The following PPARGC1A variants were observed in gnomAD, a reference collection of about 807,000 sequenced individuals.
The protein encoded by PPARGC1A is PPARG coactivator 1 alpha, also known as peroxisome proliferator-activated receptor gamma coactivator 1-alpha.
A neutral mutation model predicts 88.7 loss-of-function variants in PPARGC1A; 25 were observed. The observed-to-expected ratio is 0.28, with a 90% CI of 0.21 to 0.39. The LOEUF (loss-of-function observed/expected upper bound fraction) is 0.39, where lower values mean the gene tolerates loss of function less well. PPARGC1A is among the 10% of genes least tolerant of loss of function. The pLI, the probability that PPARGC1A is intolerant of heterozygous loss-of-function variation, is 1.00. For synonymous variants in PPARGC1A, 363 were observed against 355.6 expected, an observed-to-expected ratio of 1.02 and a Z score of -0.24; for missense variants, 880 against 968.7, an observed-to-expected ratio of 0.91 and a Z score of 1.22.
chr4:24,199,371 C>T, the PPARGC1A span, among the ~76,000 whole-genome samples: 2 of 152,032 alleles, frequency 1.3e-5, no homozygotes, highest in African/African-American at 4.8e-5. Flanking sequence ...GAAACAGCCA[C>T]AGAAAATAAT....
the PPARGC1A span, among the ~76,000 whole-genome samples, chr4:24,045,857 A>T: frequency 6.6e-6 from 1 of 152,318 alleles, no homozygotes; most frequent in East Asian, 1.9e-4. Context: ...AATCAATATA[A>T]CTACCAAAAA....
chr4:24,441,947 G>T, the PPARGC1A span, among the ~76,000 whole-genome samples: 1 of 152,204 alleles, frequency 6.6e-6, no homozygotes, highest in African/African-American at 2.4e-5. Flanking sequence ...AAAAAGAAAT[G>T]CTAGGCCGAG....
At chr4:24,212,324 G>A in the PPARGC1A span, among the ~76,000 whole-genome samples, 1 of 152,124 alleles carries the variant, frequency 6.6e-6, no homozygotes, top group Non-Finnish European at 1.5e-5. Flanking sequence ...TACCATAACT[G>A]ACTATTGAAT....
the PPARGC1A span, among the ~76,000 whole-genome samples, chr4:23,933,144 G>A: frequency 1.3e-5 from 2 of 152,004 alleles, no homozygotes; most frequent in Non-Finnish European, 2.9e-5. Context: ...TTTTTTTTAA[G>A]TAGGGGCCAT....
At chr4:23,974,259 T>C in the PPARGC1A span, among the ~76,000 whole-genome samples, 2 of 152,310 alleles carry the variant, frequency 1.3e-5, no homozygotes, top group East Asian at 3.9e-4. Context: ...GACAATGTTA[T>C]ATACACGCAG....
chr4:24,195,217 C>G, the PPARGC1A span, among the ~76,000 whole-genome samples: 1 of 152,142 alleles, frequency 6.6e-6, no homozygotes, highest in African/African-American at 2.4e-5. Flanking sequence ...TTTGGACTCT[C>G]TAAGGCTTAG....
the PPARGC1A span, among the ~76,000 whole-genome samples, chr4:24,432,827 C>T: frequency 6.6e-6 from 1 of 152,210 alleles, no homozygotes; most frequent in Non-Finnish European, 1.5e-5. Flanking sequence ...CTAAATGCTG[C>T]TCAGGTGGCC....
chr4:23,810,608 C>T (rs1327977295), intron 10 of PPARGC1A, among the ~76,000 whole-genome samples: 1 of 152,270 alleles, frequency 6.6e-6, no homozygotes, highest in East Asian at 1.9e-4. Context: ...AAAATAAACA[C>T]ATCATTTATT....
At chr4:24,153,542 A>T in the PPARGC1A span, among the ~76,000 whole-genome samples, 1 of 152,322 alleles carries the variant, frequency 6.6e-6, no homozygotes, top group South Asian at 2.1e-4. Flanking sequence ...CCAGTTGACA[A>T]CAAATTTCCA....
the PPARGC1A span, among the ~76,000 whole-genome samples, chr4:23,996,441 A>AC: frequency 1.3e-5 from 2 of 152,084 alleles, no homozygotes; most frequent in Non-Finnish European, 2.9e-5. Context: ...AGAACAGAAT[A>AC]CCCCATGAAG....
the PPARGC1A span, among the ~76,000 whole-genome samples, chr4:24,261,035 C>A: frequency 8.5e-5 from 13 of 152,256 alleles, 1 homozygote; most frequent in South Asian, 2.7e-3. Context: ...CCTATTCCAA[C>A]CAGCTCTATG....
the PPARGC1A span, among the ~76,000 whole-genome samples, chr4:24,454,854 T>G: frequency 6.6e-6 from 1 of 151,840 alleles, no homozygotes; most frequent in African/African-American, 2.4e-5. Flanking sequence ...GAAATACAAA[T>G]CTGAAAGATA....
At chr4:24,336,312 A>G in the PPARGC1A span, among the ~76,000 whole-genome samples, 1 of 152,196 alleles carries the variant, frequency 6.6e-6, no homozygotes, top group Non-Finnish European at 1.5e-5. Flanking sequence ...GGGATGGTGA[A>G]GGTACATCTC....
the PPARGC1A span, among the ~76,000 whole-genome samples, chr4:24,153,227 A>G: frequency 6.6e-6 from 1 of 152,182 alleles, no homozygotes; most frequent in Non-Finnish European, 1.5e-5. Context: ...ATACTGGCAA[A>G]CCAAAAATAG....
the PPARGC1A span, among the ~76,000 whole-genome samples, chr4:24,119,605 C>T: frequency 1.3e-5 from 2 of 152,084 alleles, no homozygotes; most frequent in Non-Finnish European, 2.9e-5. Context: ...ATACTAAACA[C>T]ACTTAGCACA....
At chr4:24,312,633 CAAAA>C in the PPARGC1A span, among the ~76,000 whole-genome samples, 3 of 126,030 alleles carry the variant, frequency 2.4e-5, no homozygotes, top group African/African-American at 2.9e-5. Flanking sequence ...TTTCATCAAC[CAAAA>C]AAAAAAAAAA....
chr4:24,224,912 A>G, the PPARGC1A span, among the ~76,000 whole-genome samples: 1 of 152,168 alleles, frequency 6.6e-6, no homozygotes, highest in Non-Finnish European at 1.5e-5. Flanking sequence ...AGTCATATGG[A>G]TATCTATATC....
chr4:23,927,266 G>A, the PPARGC1A span, among the ~76,000 whole-genome samples: 3 of 152,136 alleles, frequency 2.0e-5, no homozygotes, highest in Non-Finnish European at 2.9e-5. Flanking sequence ...TCTACTGAAT[G>A]TATACCACTT....
chr4:24,392,575 C>T, the PPARGC1A span, among the ~76,000 whole-genome samples: 17 of 152,236 alleles, frequency 1.1e-4, no homozygotes, highest in African/African-American at 3.4e-4. Context: ...CTTCTGTAGG[C>T]GCACTCTGAC....
Sources: allele counts gnomAD v4.1 joint callset (sites outside exome capture counted in the v4.1 genomes callset), GRCh38; gene constraint gnomAD v4.1.1; transcripts MANE v1.5; gene names NCBI Gene and HGNC (gene_info 2026-07-23, HGNC 2026-07-21).